Variants in RASGRF2 observed in about 807,000 individuals in gnomAD.
RASGRF2 encodes Ras protein specific guanine nucleotide releasing factor 2.
Under a neutral mutation model 151.0 loss-of-function variants are expected in RASGRF2, and 76 were observed. The ratio of observed to expected loss-of-function variants is 0.50; its 90% CI spans 0.42 to 0.61. The LOEUF (loss-of-function observed/expected upper bound fraction) is 0.61. RASGRF2 is among the 20% of genes least tolerant of loss of function. The pLI is 0.00. For synonymous variants in RASGRF2, 504 were observed against 566.5 expected (o/e 0.89, Z 1.57); for missense variants, 1,148 against 1,564.6 (o/e 0.73, Z 4.49).
chr5:81,217,517 GT>G, intron 25 of RASGRF2, 44 bp downstream of exon 25: 1 of 1,422,828 alleles, frequency 7.0e-7, no homozygotes, highest in Non-Finnish European at 9.4e-7. Context: ...GGCTTTAGAG[GT>G]TTATAGAGAA....
chr5:81,036,158 G>C (rs558281609), intron 1 of RASGRF2, among the ~76,000 whole-genome samples: 2 of 144,706 alleles, frequency 1.4e-5, no homozygotes, highest in East Asian at 3.9e-4. Context: ...TTTTCATTTT[G>C]GTCTTTTTTC....
chr5:81,083,571 C>G (rs1752146781), intron 7 of RASGRF2, among the ~76,000 whole-genome samples: 1 of 152,068 alleles, frequency 6.6e-6, no homozygotes. Flanking sequence ...AAAATTATCC[C>G]CAGTTGAACT....
At chr5:81,160,310 A>G (rs1754351864) in intron 17 of RASGRF2, among the ~76,000 whole-genome samples, 1 of 152,140 alleles carries the variant, frequency 6.6e-6, no homozygotes, top group Non-Finnish European at 1.5e-5. Flanking sequence ...AATCCCACCT[A>G]CTTCAGAGAG....
rs539278198 is a variant in RASGRF2 at position 81,032,536 on chromosome 5, A to C, written c.289-10341A>C. On this transcript the variant is annotated intron_variant, in intron 1 of 26. Transcript: ENST00000265080. ...TAATCCAGCATATAAACAGAACCAA[A>C]GACAAAAACCACATGATTATCTCAA... 2.6e-5 allele frequency among the ~76,000 whole-genome samples: 4 copies of C among 152,344 alleles called. No individual in the cohort carries two copies. In the South Asian group the frequency reaches 6.2e-4, roughly 24 times the overall value.
intron 1 of RASGRF2, among the ~76,000 whole-genome samples, chr5:80,961,236 C>T (rs78642142): frequency 0.013 from 1,971 of 152,318 alleles, 38 homozygotes; most frequent in African/African-American, 0.045. Flanking sequence ...ACCCCACTGC[C>T]AAGTGATCAG....
chr5:81,038,410 A>AT (rs147940613), intron 1 of RASGRF2, among the ~76,000 whole-genome samples: 16 of 149,950 alleles, frequency 1.1e-4, no homozygotes, highest in African/African-American at 2.2e-4. Flanking sequence ...ATGAACTGTT[A>AT]TTTTTTTTTA....
chr5:81,103,052 T>C (rs1426241950), intron 12 of RASGRF2, among the ~76,000 whole-genome samples: 1 of 151,822 alleles, frequency 6.6e-6, no homozygotes, highest in East Asian at 1.9e-4. Context: ...AATAAAACTA[T>C]AAAAGAAAGA....
intron 1 of RASGRF2, among the ~76,000 whole-genome samples, chr5:80,976,090 C>G (rs190340763): frequency 1.3e-5 from 2 of 152,144 alleles, no homozygotes; most frequent in Non-Finnish European, 2.9e-5. Context: ...GTGATCCACC[C>G]GCCTTGGCCT....
intron 17 of RASGRF2, among the ~76,000 whole-genome samples, chr5:81,150,124 A>G (rs1269946625): frequency 6.6e-6 from 1 of 152,192 alleles, no homozygotes; most frequent in Admixed American, 6.5e-5. Context: ...AGAAGTTCTT[A>G]GGGTACGTGG....
intron 17 of RASGRF2, among the ~76,000 whole-genome samples, chr5:81,129,431 A>G (rs1240004705): frequency 6.6e-6 from 1 of 152,140 alleles, no homozygotes; most frequent in Non-Finnish European, 1.5e-5. Flanking sequence ...ATAGTACTTT[A>G]TATATTATTT....
intron 15 of RASGRF2, among the ~76,000 whole-genome samples, chr5:81,117,380 A>G (rs1023263984): frequency 1.3e-5 from 2 of 152,176 alleles, no homozygotes; most frequent in Non-Finnish European, 2.9e-5. Flanking sequence ...ACATGGTGGA[A>G]GGCAACACAT....
At chr5:81,219,589 C>G (rs759493285) in intron 25 of RASGRF2, 121 bp from the exon 26 acceptor site, 2 of 716,070 alleles carry the variant, frequency 2.8e-6, no homozygotes, top group Non-Finnish European at 4.7e-6. Flanking sequence ...GCTCCACCCG[C>G]CTCACTGGAG....
chr5:81,048,964 G>A (rs577264572), intron 2 of RASGRF2, among the ~76,000 whole-genome samples: 12 of 151,868 alleles, frequency 7.9e-5, no homozygotes, highest in Admixed American at 2.6e-4. Context: ...GAAATGGTTC[G>A]GTTGCTCTCC....
In RASGRF2 at chr5:81,211,179, G is replaced by A. The variant is rs116337256; in HGVS notation, c.3157-1187G>A. 1.1e-3 allele frequency among the ~76,000 whole-genome samples: 163 copies of A among 149,190 alleles called. 2 individuals are homozygous for A. Among genetic ancestry groups the A allele is most frequent in the African/African-American group, 3.9e-3 (159 of 40,706 alleles). ...AAAAAAAAAGACTCAGTGCAGGCGT[G>A]ACCTCTTCCTAGAAGCCTCCTCTGT... On this transcript the variant is annotated intron_variant, in intron 22 of 26. Transcript: ENST00000265080.
chr5:81,116,238 A>G (rs1753154008), intron 15 of RASGRF2, among the ~76,000 whole-genome samples: 1 of 151,698 alleles, frequency 6.6e-6, no homozygotes, highest in Non-Finnish European at 1.5e-5. Context: ...ACGCACCATC[A>G]TGCCTTGCTA....
At chr5:80,998,694 C>A (rs138302219) in intron 1 of RASGRF2, among the ~76,000 whole-genome samples, 1 of 152,020 alleles carries the variant, frequency 6.6e-6, no homozygotes, top group African/African-American at 2.4e-5. Context: ...TTCTGCTGTG[C>A]GTTCTACACC....
Position 81,212,431 on chromosome 5 carries a change from C to G in RASGRF2, c.3222C>G (p.Ile1074Met), listed in dbSNP as rs759149415. 9.3e-6 allele frequency: 15 copies of G among 1,613,910 alleles called. No homozygotes were observed. The highest frequency in any genetic ancestry group is 1.7e-5 in the Admixed American group (1 of 60,000). The change falls in exon 23 of 27, where the codon ATC becomes ATG. Residue 1074 changes from isoleucine to methionine, a missense_variant. Around this residue, in one of 5 missense-constraint regions of RASGRF2, gnomAD observed 646 missense variants for 807.4 expected, o/e 0.80. Transcript: ENST00000265080. ...ATGTCAGCTCCCGTGCCAACGCCAT[C>G]GAGAAATGGGTGGCAGTGGCGGACA... ...YADVSSRANA[I>M]EKWVAVADIC...
chr5:80,999,451 T>C (rs1402622649), intron 1 of RASGRF2, among the ~76,000 whole-genome samples: 1 of 152,212 alleles, frequency 6.6e-6, no homozygotes, highest in Non-Finnish European at 1.5e-5. Context: ...CAGGCGATCC[T>C]TCCACTTCAG....
chr5:81,016,103 G>A (rs1373114162), intron 1 of RASGRF2, among the ~76,000 whole-genome samples: 2 of 152,190 alleles, frequency 1.3e-5, no homozygotes, highest in African/African-American at 4.8e-5. Flanking sequence ...CTGTAAACAA[G>A]TAAATGAGAG....
Sources: allele counts gnomAD v4.1 joint callset (sites outside exome capture counted in the v4.1 genomes callset), GRCh38; gene constraint gnomAD v4.1.1; regional missense constraint gnomAD v4.1.1; transcripts MANE v1.5; gene names NCBI Gene and HGNC (gene_info 2026-07-23, HGNC 2026-07-21).